Variants in TLL1 observed in about 807,000 individuals in gnomAD.
TLL1 encodes tolloid like 1.
TLL1 carries 49 observed loss-of-function variants against 128.2 expected under a neutral mutation model. The ratio of observed to expected loss-of-function variants is 0.38; its 90% confidence interval spans 0.30 to 0.48. The LOEUF (loss-of-function observed/expected upper bound fraction) is 0.48, where lower values mean the gene tolerates loss of function less well. Ranked by LOEUF, TLL1 falls within the 20% of genes least tolerant of loss-of-function variation. The probability of loss-of-function intolerance (pLI) is 0.96; values close to 1 mark genes in which losing one functional copy is unlikely to be tolerated. For missense variants in TLL1, 1,123 were observed against 1,242.0 expected (o/e 0.90, Z 1.44); for synonymous variants, 454 against 418.8 (o/e 1.08, Z -1.03).
At chr4:166,056,093 T>A (rs1229679501) in intron 13 of TLL1, among the ~76,000 whole-genome samples, 1 of 152,106 alleles carries the variant, frequency 6.6e-6, no homozygotes, top group Non-Finnish European at 1.5e-5. Context: ...GCTATTTTAT[T>A]CATCATATGA....
chr4:165,920,405 A>T (rs776023727), intron 1 of TLL1, among the ~76,000 whole-genome samples: 1 of 152,240 alleles, frequency 6.6e-6, no homozygotes, highest in Non-Finnish European at 1.5e-5. Context: ...ACAGCTTTAT[A>T]TCATTTCAAT....
At chr4:166,065,607 G>A (rs1468904849) in intron 15 of TLL1, 76 bp from the exon 16 acceptor site, 11 of 1,513,790 alleles carry the variant, frequency 7.3e-6, no homozygotes, top group Non-Finnish European at 1.0e-5. Context: ...GGAAAAATAA[G>A]ATATGTTTTT....
intron 2 of TLL1, 107 bp downstream of exon 2, chr4:165,989,598 G>A (rs772369275): frequency 3.0e-5 from 24 of 791,908 alleles, no homozygotes; most frequent in Middle Eastern, 2.4e-4. Flanking sequence ...GATCAACTCT[G>A]ACTTCCTATA....
intron 5 of TLL1, among the ~76,000 whole-genome samples, chr4:165,999,462 C>CA (rs1294657752): frequency 6.6e-6 from 1 of 152,016 alleles, no homozygotes; most frequent in African/African-American, 2.4e-5. Flanking sequence ...TTTAGACCAT[C>CA]AGATTTCGTG....
rs1730613753 is a variant in TLL1 at position 165,874,056 on chromosome 4, A to C, written c.152A>C (p.Lys51Thr). Residue 51 changes from lysine (K) to threonine (T), a missense_variant, in exon 1 of 21, where the codon AAG (lysine) becomes ACG (threonine). This residue lies in a region of TLL1 where 480 missense variants were observed against 542.4 expected (regional missense o/e 0.89). Coordinates refer to ENST00000061240, the MANE Select transcript of TLL1 (RefSeq NM_012464.5). ...GATAAAACAGAGACTATAGATTACA[A>C]GGACCCGTGTAAAGCCGGTAAGTGG... ...EEDKTETIDY[K>T]DPCKAAVFWG... 1 of 1,614,012 alleles carries C rather than the reference A, an allele frequency of 6.2e-7. No homozygotes were observed. The highest frequency in any genetic ancestry group is 1.3e-5 in the African/African-American group (1 of 74,938).
At chr4:166,011,446 A>C (rs1737694488) in intron 7 of TLL1, among the ~76,000 whole-genome samples, 1 of 151,522 alleles carries the variant, frequency 6.6e-6, no homozygotes, top group African/African-American at 2.4e-5. Context: ...TAAATGCATA[A>C]AAATGCAGCT....
intron 5 of TLL1, among the ~76,000 whole-genome samples, chr4:166,002,113 G>A (rs895366859): frequency 2.6e-5 from 4 of 152,228 alleles, no homozygotes; most frequent in East Asian, 1.9e-4. Flanking sequence ...TTCTGGAGAC[G>A]CGGCACTGCA....
intron 18 of TLL1, among the ~76,000 whole-genome samples, chr4:166,079,490 T>G (rs1272910093): frequency 6.6e-6 from 1 of 152,154 alleles, no homozygotes; most frequent in African/African-American, 2.4e-5. Context: ...TTTTCCATAC[T>G]TCTTTTGTAA....
chr4:165,895,234 C>G (rs34441982), intron 1 of TLL1, among the ~76,000 whole-genome samples: 2 of 151,742 alleles, frequency 1.3e-5, no homozygotes, highest in African/African-American at 4.8e-5. Context: ...GTCAGTGTGA[C>G]TGTCTATGTG....
intron 1 of TLL1, among the ~76,000 whole-genome samples, chr4:165,987,036 T>A (rs946341945): frequency 2.0e-5 from 3 of 152,108 alleles, no homozygotes; most frequent in African/African-American, 7.2e-5. Context: ...TTGTTAAAAA[T>A]GTAGAATCTG....
chr4:166,027,746 C>A (rs1224962426), intron 9 of TLL1, among the ~76,000 whole-genome samples: 6 of 152,150 alleles, frequency 3.9e-5, no homozygotes, highest in South Asian at 2.1e-4. Flanking sequence ...AAAAAGAAAA[C>A]CTCATAGAAT....
chr4:165,974,490 G>T (rs114635112), intron 1 of TLL1, among the ~76,000 whole-genome samples: 1,762 of 151,602 alleles, frequency 0.012, 49 homozygotes, highest in African/African-American at 0.041. Flanking sequence ...CAGTATTTTT[G>T]TATATTACCG....
At position 165,968,902 on chromosome 4, in the gene TLL1, C is replaced by T. The variant is rs377572429; in HGVS notation, c.170-20479C>T. On this transcript the variant is annotated intron_variant, in intron 1 of 20. Transcript: ENST00000061240. Reference sequence around the variant, plus strand: ...ATACTGATTGTGGTTTAGAAAGCTACTTTTATTGCTGCCTGAGTGGTGAAA... The same window carrying T: ...ATACTGATTGTGGTTTAGAAAGCTATTTTTATTGCTGCCTGAGTGGTGAAA... Among the ~76,000 whole-genome samples, 4 of 152,044 alleles carry T rather than the reference C, an allele frequency of 2.6e-5. No homozygotes were observed. The East Asian group carries it at 5.8e-4, about 22-fold the overall frequency.
chr4:166,045,039 G>A lies in TLL1; in HGVS notation c.1524+1620G>A, dbSNP rs78163092. Among the ~76,000 whole-genome samples, 28 of 152,242 alleles carry A rather than the reference G, an allele frequency of 1.8e-4. No individual in the cohort carries two copies. In the East Asian group the frequency reaches 5.4e-3, roughly 29 times the overall value. The stretch of plus-strand genomic sequence containing the variant: ...ATGCACCTCAGGCACTTAGAACCAT[G>A]CCTGACACACAGTAGTTGCTTAATA... On this transcript the variant is annotated intron_variant, in intron 12 of 20. Coordinates refer to ENST00000061240, the MANE Select transcript of TLL1 (RefSeq NM_012464.5).
chr4:166,022,431 C>A (rs747551437), intron 8 of TLL1, among the ~76,000 whole-genome samples: 7 of 152,160 alleles, frequency 4.6e-5, no homozygotes, highest in Non-Finnish European at 7.3e-5. Context: ...CCGCCTTGGC[C>A]TCCCAAAGTG....
At chr4:166,074,282 TG>T (rs556147169) in intron 16 of TLL1, among the ~76,000 whole-genome samples, 2 of 150,516 alleles carry the variant, frequency 1.3e-5, no homozygotes, top group Non-Finnish European at 3.0e-5. Flanking sequence ...AGTTTAATTA[TG>T]CCTTTTTTCT....
At chr4:166,098,662 G>C (rs1360209245) in intron 19 of TLL1, among the ~76,000 whole-genome samples, 1 of 151,988 alleles carries the variant, frequency 6.6e-6, no homozygotes, top group Non-Finnish European at 1.5e-5. Flanking sequence ...CATCAAGTGA[G>C]ATAAATATTT....
intron 1 of TLL1, among the ~76,000 whole-genome samples, chr4:165,974,234 G>A (rs1013213427): frequency 1.8e-4 from 21 of 114,724 alleles, no homozygotes; most frequent in South Asian, 2.6e-4. Flanking sequence ...TCCGCCTCCC[G>A]GGTTCACGCC....
intron 8 of TLL1, among the ~76,000 whole-genome samples, chr4:166,018,567 C>A (rs1738061739): frequency 6.6e-6 from 1 of 152,084 alleles, no homozygotes; most frequent in African/African-American, 2.4e-5. Flanking sequence ...TGACAAAGGT[C>A]TAAAATCCAG....
Sources: gnomAD v4.1 joint callset for allele counts (sites outside exome capture counted in the v4.1 genomes callset) on GRCh38, gnomAD v4.1.1 for gene constraint, gnomAD v4.1.1 regional missense constraint, MANE v1.5 for transcripts, NCBI Gene and HGNC (gene_info 2026-07-23, HGNC 2026-07-21) for gene names.